The following ZNF704 variants were observed in gnomAD, a reference collection of about 807,000 sequenced individuals.
ZNF704 encodes glucocorticoid induced gene 1.
ZNF704 carries 10 observed loss-of-function variants against 44.7 expected under a neutral mutation model. The ratio of observed to expected loss-of-function variants is 0.22; its 90% CI spans 0.14 to 0.38. ZNF704 has a LOEUF of 0.38. ZNF704 is among the 10% of genes least tolerant of loss of function. The pLI is 1.00. For missense variants in ZNF704, 390 were observed against 545.5 expected (o/e 0.71, Z 2.84); for synonymous variants, 211 against 207.6 (o/e 1.02, Z -0.14).
At chr8:80,860,824 C>T (rs1809047370) in intron 1 of ZNF704, among the ~76,000 whole-genome samples, 1 of 152,178 alleles carries the variant, frequency 6.6e-6, no homozygotes, top group Admixed American at 6.5e-5. Context: ...CTTTCATTTC[C>T]AATCCATACC....
At chr8:80,836,333 C>T (rs1287245763) in intron 1 of ZNF704, among the ~76,000 whole-genome samples, 2 of 152,156 alleles carry the variant, frequency 1.3e-5, no homozygotes, top group African/African-American at 4.8e-5. Flanking sequence ...AGGGTTCTTC[C>T]TTCAGATACC....
intron 2 of ZNF704, among the ~76,000 whole-genome samples, chr8:80,788,832 C>G (rs1210356553): frequency 6.6e-6 from 1 of 152,150 alleles, no homozygotes; most frequent in Non-Finnish European, 1.5e-5. Context: ...CAAACCAACT[C>G]TGATAAAAAT....
chr8:80,694,705 T>A (rs1818698054), intron 2 of ZNF704, among the ~76,000 whole-genome samples: 2 of 152,242 alleles, frequency 1.3e-5, no homozygotes, highest in Non-Finnish European at 2.9e-5. Flanking sequence ...AATTTCATCA[T>A]GAAGTTACAA....
chr8:80,691,424 C>T (rs2131635664), intron 3 of ZNF704, among the ~76,000 whole-genome samples: 1 of 152,294 alleles, frequency 6.6e-6, no homozygotes, highest in African/African-American at 2.4e-5. Flanking sequence ...AATGCGTGAC[C>T]TTCTGAAGCA....
intron 4 of ZNF704, 87 bp downstream of exon 4, chr8:80,687,139 A>G (rs960794413): frequency 8.7e-7 from 1 of 1,145,684 alleles, no homozygotes; most frequent in Non-Finnish European, 1.3e-6. Flanking sequence ...GTGTAGGTCC[A>G]AGGTTAAGCT....
At chr8:80,673,376 G>A (rs2131618072) in intron 4 of ZNF704, 1 of 152,290 alleles carries the variant, frequency 6.6e-6, no homozygotes, top group Middle Eastern at 3.4e-3. Flanking sequence ...CCACTGACCT[G>A]ACTGGATTGT....
At chr8:80,753,617 T>C (rs1183020234) in intron 2 of ZNF704, among the ~76,000 whole-genome samples, 1 of 152,238 alleles carries the variant, frequency 6.6e-6, no homozygotes, top group African/African-American at 2.4e-5. Context: ...GGAATGCTTT[T>C]TTCCCCTTCC....
At position 80,705,630 on chromosome 8, in the gene ZNF704, G is replaced by C. The variant is rs146341544; in HGVS notation, c.222-12523C>G. On this transcript the variant is annotated intron_variant, in intron 2 of 8. Transcript: ENST00000327835. Reference sequence around the variant, plus strand: ...TGTGTGTGTGTCAATCTCCGTGTCTGTGTGGGTCAGTGCTTCTGTGTGGAC... The same window carrying C: ...TGTGTGTGTGTCAATCTCCGTGTCTCTGTGGGTCAGTGCTTCTGTGTGGAC... 3.1e-3 allele frequency among the ~76,000 whole-genome samples: 474 copies of C among 152,178 alleles called. 1 individual carries two copies. The highest frequency in any genetic ancestry group is 0.011 in the African/African-American group (454 of 41,508).
intron 4 of ZNF704, among the ~76,000 whole-genome samples, chr8:80,676,334 G>T (rs1818365382): frequency 6.6e-6 from 1 of 152,192 alleles, no homozygotes. Context: ...TGCAAAGACA[G>T]GGAAACTGAT....
upstream of ZNF704, among the ~76,000 whole-genome samples, chr8:80,875,678 G>C (rs765124398): frequency 6.6e-6 from 1 of 152,160 alleles, no homozygotes; most frequent in African/African-American, 2.4e-5. Flanking sequence ...AGGATCTTAC[G>C]CATCAAATAC....
At chr8:80,757,436 T>C (rs1265828863) in intron 2 of ZNF704, among the ~76,000 whole-genome samples, 2 of 152,068 alleles carry the variant, frequency 1.3e-5, no homozygotes, top group Non-Finnish European at 2.9e-5. Context: ...AGCTAAGTGT[T>C]ATTAAAAGAG....
chr8:80,716,402 C>T lies in ZNF704; in HGVS notation c.222-23295G>A, dbSNP rs192788875. The stretch of plus-strand genomic sequence containing the variant: ...GATAGGGTCAAAGGAAATCAGGTCA[C>T]TTAAACAGAAATCAGCAACTCACAA... On this transcript the variant is annotated intron_variant, in intron 2 of 8. Transcript: ENST00000327835. Among the ~76,000 whole-genome samples, 226 of 152,326 alleles carry T rather than the reference C, an allele frequency of 1.5e-3. 1 individual carries two copies. The highest frequency in any genetic ancestry group is 2.9e-3 in the Non-Finnish European group (194 of 68,036).
At chr8:80,736,768 C>T (rs958440330) in intron 2 of ZNF704, among the ~76,000 whole-genome samples, 1 of 152,008 alleles carries the variant, frequency 6.6e-6, no homozygotes, top group Admixed American at 6.6e-5. Flanking sequence ...GTAATGAGTG[C>T]ACCAAAATCT....
chr8:80,667,542 T>C (rs1451176382), intron 5 of ZNF704, among the ~76,000 whole-genome samples: 1 of 152,234 alleles, frequency 6.6e-6, no homozygotes. Context: ...CTCATCGTTT[T>C]GTTAATCACT....
chr8:80,727,181 G>A (rs1305212819), intron 2 of ZNF704, among the ~76,000 whole-genome samples: 5 of 152,104 alleles, frequency 3.3e-5, no homozygotes, highest in South Asian at 2.1e-4. Context: ...ATTAAATAAA[G>A]ATACTCACAA....
chr8:80,844,907 T>TG (rs1408224253), intron 1 of ZNF704, among the ~76,000 whole-genome samples: 2 of 151,894 alleles, frequency 1.3e-5, no homozygotes, highest in African/African-American at 4.8e-5. Context: ...CTTGAACTCA[T>TG]GGGCTCAAGC....
In ZNF704 at chr8:80,640,341, T is replaced by C. The variant is rs1817723238; in HGVS notation, c.*1025A>G. ...GTAGGGCCATGTGGGCTGTGCTCTG[T>C]TGTCTAAAGCAAACCTGCTGGGACA... On this transcript the variant is annotated 3_prime_UTR_variant, in exon 9 of 9. Transcript: ENST00000327835. The C allele has an allele frequency of 6.5e-6, 1 of 152,682 alleles. No homozygotes were observed. Among genetic ancestry groups the C allele is most frequent in the Admixed American group, 6.5e-5 (1 of 15,282 alleles). The allele number at this position is 152,682 out of a possible 1,614,324, so 9.5% of individuals were successfully genotyped here.
chr8:80,748,725 T>G (rs930968132), intron 2 of ZNF704, among the ~76,000 whole-genome samples: 1 of 151,878 alleles, frequency 6.6e-6, no homozygotes, highest in Non-Finnish European at 1.5e-5. Flanking sequence ...GAAAGATTGG[T>G]GAGGGGAACT....
chr8:80,725,661 A>G (rs1030565349), intron 2 of ZNF704, among the ~76,000 whole-genome samples: 1 of 152,166 alleles, frequency 6.6e-6, no homozygotes, highest in Admixed American at 6.5e-5. Context: ...CTGCAAACTT[A>G]GAGTCAGCAA....
Sources: gnomAD v4.1 joint callset for allele counts (sites outside exome capture counted in the v4.1 genomes callset) on GRCh38, gnomAD v4.1.1 for gene constraint, MANE v1.5 for transcripts, NCBI Gene and HGNC (gene_info 2026-07-23, HGNC 2026-07-21) for gene names.